OCM: variants seen among roughly 807,000 people sequenced by gnomAD.
The protein encoded by OCM is oncomodulin-1.
Under a neutral mutation model 14.1 loss-of-function variants are expected in OCM, and 18 were observed. That is an observed-to-expected ratio of 1.28 (90% CI 0.88 to 1.89). OCM has a LOEUF of 1.89. Among genes scored for constraint, OCM ranks in the 40% most tolerant of loss-of-function variants. The pLI is 0.00. For synonymous variants in OCM, 48 were observed against 51.0 expected (o/e 0.94, Z 0.25); for missense variants, 140 against 137.6 (o/e 1.02, Z -0.09).
At chr7:5,867,000 T>A in the OCM span, among the ~76,000 whole-genome samples, 1 of 152,242 alleles carries the variant, frequency 6.6e-6, no homozygotes, top group Non-Finnish European at 1.5e-5. Flanking sequence ...TATCATTAAG[T>A]AGACTTGTAG....
At chr7:5,872,745 C>T in the OCM span, among the ~76,000 whole-genome samples, 1 of 152,118 alleles carries the variant, frequency 6.6e-6, no homozygotes, top group African/African-American at 2.4e-5. Context: ...TGCCGAAGGC[C>T]GCAGGGTCCT....
chr7:5,866,039 T>C, the OCM span, among the ~76,000 whole-genome samples: 97 of 152,100 alleles, frequency 6.4e-4, no homozygotes, highest in African/African-American at 2.3e-3. Context: ...AGTATTTTTC[T>C]GCTGGGTGCA....
intron 1 of OCM, among the ~76,000 whole-genome samples, 168 bp downstream of exon 1, chr7:5,881,118 AC>A (rs199760526): frequency 0.018 from 2,662 of 151,980 alleles, 71 homozygotes; most frequent in African/African-American, 0.06. Context: ...GGAGTTCGAG[AC>A]CAGCCTGGCC....
upstream of OCM, among the ~76,000 whole-genome samples, chr7:5,878,289 G>C (rs907649207): frequency 6.6e-6 from 1 of 151,724 alleles, no homozygotes; most frequent in Non-Finnish European, 1.5e-5. Context: ...GAAGCAGAAA[G>C]TACAATGATG....
chr7:5,885,674 G>T (rs1374446176), intron 3 of OCM, among the ~76,000 whole-genome samples: 3 of 148,454 alleles, frequency 2.0e-5, no homozygotes, highest in African/African-American at 7.5e-5. Context: ...GCAATGGCGT[G>T]ATTTCGGCTC....
intron 2 of OCM, 67 bp downstream of exon 2, chr7:5,882,692 C>T (rs1038769835): frequency 6.4e-7 from 1 of 1,571,250 alleles, no homozygotes; most frequent in African/African-American, 1.4e-5. Context: ...CAGTGGGGGC[C>T]AGGTTGCTCA....
chr7:5,878,485 G>A (rs999492978), upstream of OCM, among the ~76,000 whole-genome samples: 5 of 150,850 alleles, frequency 3.3e-5, no homozygotes, highest in African/African-American at 9.7e-5. Flanking sequence ...GGTGGCTCAC[G>A]CCTGTAATCC....
At chr7:5,865,427 A>C in the OCM span, among the ~76,000 whole-genome samples, 6 of 151,926 alleles carry the variant, frequency 3.9e-5, no homozygotes, top group East Asian at 3.9e-4. Context: ...AACCCTAGAA[A>C]GTGGAGGAGA....
chr7:5,869,193 G>A, the OCM span, among the ~76,000 whole-genome samples: 9 of 152,254 alleles, frequency 5.9e-5, no homozygotes, highest in Admixed American at 3.9e-4. Flanking sequence ...AGAGAAGAGA[G>A]GAACTCAGGA....
At chr7:5,875,836 CT>C (rs879801386), upstream of OCM, among the ~76,000 whole-genome samples, 35 of 145,924 alleles carry the variant, frequency 2.4e-4, no homozygotes, top group Admixed American at 4.1e-4. Flanking sequence ...TTTCAGAAAC[CT>C]TTTTTTTTTT....
chr7:5,860,320 A>G, the OCM span, among the ~76,000 whole-genome samples: 3 of 148,530 alleles, frequency 2.0e-5, no homozygotes, highest in African/African-American at 4.9e-5. Context: ...CACATGCCTA[A>G]GCAGTTTGGG....
chr7:5,874,898 A>G (rs1262539753), upstream of OCM, among the ~76,000 whole-genome samples: 3 of 151,902 alleles, frequency 2.0e-5, no homozygotes, highest in Admixed American at 6.6e-5. Context: ...CATCTTCCCA[A>G]TCTGAAACTC....
chr7:5,861,415 C>G, the OCM span, among the ~76,000 whole-genome samples: 1 of 150,024 alleles, frequency 6.7e-6, no homozygotes, highest in Non-Finnish European at 1.5e-5. Flanking sequence ...GAACGAAATT[C>G]TGTCTTAAAA....
At chr7:5,882,423 T>A in intron 1 of OCM, 70 bp from the exon 2 acceptor site, 1 of 1,549,058 alleles carries the variant, frequency 6.5e-7, no homozygotes, top group Non-Finnish European at 8.9e-7. Context: ...TATCTGTGTT[T>A]TTAGTACCTT....
upstream of OCM, among the ~76,000 whole-genome samples, chr7:5,877,761 A>G (rs1222110418): frequency 7.9e-6 from 1 of 127,342 alleles, no homozygotes; most frequent in East Asian, 2.7e-4. Flanking sequence ...TGGAGGTTGT[A>G]GTGAGCCAAG....
chr7:5,877,044 G>T (rs1273316847), upstream of OCM, among the ~76,000 whole-genome samples: 1 of 151,940 alleles, frequency 6.6e-6, no homozygotes, highest in African/African-American at 2.4e-5. Flanking sequence ...AACCTCAGGT[G>T]ATCTGCCTGC....
the OCM span, among the ~76,000 whole-genome samples, chr7:5,861,786 C>G: frequency 1.3e-5 from 2 of 151,804 alleles, no homozygotes; most frequent in Admixed American, 6.6e-5. Context: ...ACTATGTTGC[C>G]CAGGCTGGTC....
the OCM span, among the ~76,000 whole-genome samples, chr7:5,862,438 CT>C: frequency 3.5e-4 from 53 of 152,200 alleles, 1 homozygote; most frequent in East Asian, 9.5e-3. Flanking sequence ...ACATCTCCCC[CT>C]ATAAACTAGC....
chr7:5,867,311 CAAAA>C, the OCM span, among the ~76,000 whole-genome samples: 3 of 150,442 alleles, frequency 2.0e-5, no homozygotes, highest in African/African-American at 7.3e-5. Context: ...GACCCCATCT[CAAAA>C]AAAAAGAAGA....
Sources: gnomAD v4.1 joint callset for allele counts (sites outside exome capture counted in the v4.1 genomes callset) on GRCh38, gnomAD v4.1.1 for gene constraint, MANE v1.5 for transcripts, NCBI Gene and HGNC (gene_info 2026-07-23, HGNC 2026-07-21) for gene names.